The following PDE1A variants were observed in gnomAD, a reference collection of about 807,000 sequenced individuals.
PDE1A encodes phosphodiesterase 1A, also known as dual specificity calcium/calmodulin-dependent 3',5'-cyclic nucleotide phosphodiesterase 1A.
Under a neutral mutation model 61.7 loss-of-function variants are expected in PDE1A, and 35 were observed. That is an observed-to-expected ratio of 0.57 (90% confidence interval 0.43 to 0.75). The LOEUF (loss-of-function observed/expected upper bound fraction) is 0.75. Among genes scored for constraint, PDE1A ranks in the 30% least tolerant of loss-of-function variants. The pLI, the probability that PDE1A is intolerant of heterozygous loss-of-function variation, is 0.00. For missense variants in PDE1A, 597 were observed against 630.6 expected (o/e 0.95, Z 0.57); for synonymous variants, 232 against 213.2 (o/e 1.09, Z -0.77).
At chr2:182,191,700 AC>A (rs1685701768) in intron 10 of PDE1A, among the ~76,000 whole-genome samples, 1 of 85,590 alleles carries the variant, frequency 1.2e-5, no homozygotes, top group Admixed American at 1.4e-4. Flanking sequence ...GCTATATTTA[AC>A]TTTTTTTTTT....
At chr2:182,424,230 C>A (rs145554411) in intron 1 of PDE1A, among the ~76,000 whole-genome samples, 2 of 152,274 alleles carry the variant, frequency 1.3e-5, no homozygotes, top group African/African-American at 4.8e-5. Flanking sequence ...CAGGCATGAG[C>A]CACGGCACCC....
the PDE1A span, among the ~76,000 whole-genome samples, chr2:182,573,838 G>GAT: frequency 1.4e-5 from 2 of 140,294 alleles, no homozygotes; most frequent in South Asian, 2.2e-4. Flanking sequence ...GACAGAATAG[G>GAT]ATATATATAT....
intron 1 of PDE1A, among the ~76,000 whole-genome samples, chr2:182,396,634 T>G (rs1701720887): frequency 6.6e-6 from 1 of 152,260 alleles, no homozygotes; most frequent in Non-Finnish European, 1.5e-5. Flanking sequence ...CTTTATCAAG[T>G]AACATAAGAT....
At chr2:182,543,563 T>C in the PDE1A span, among the ~76,000 whole-genome samples, 7 of 152,194 alleles carry the variant, frequency 4.6e-5, no homozygotes, top group African/African-American at 1.7e-4. Context: ...TGGTGGATTT[T>C]GTTTTTTACA....
chr2:182,482,235 G>C (rs1490429515), intron 2 of PDE1A, among the ~76,000 whole-genome samples: 7 of 151,892 alleles, frequency 4.6e-5, no homozygotes, highest in African/African-American at 1.7e-4. Flanking sequence ...GACTTTATAA[G>C]ATTTATATAA....
At chr2:182,337,498 G>C (rs1366134780) in intron 1 of PDE1A, among the ~76,000 whole-genome samples, 1 of 152,084 alleles carries the variant, frequency 6.6e-6, no homozygotes, top group Non-Finnish European at 1.5e-5. Flanking sequence ...TAAATAACAT[G>C]TCATTTCATC....
the PDE1A span, among the ~76,000 whole-genome samples, chr2:182,569,141 T>C: frequency 2.0e-5 from 3 of 151,796 alleles, no homozygotes; most frequent in Admixed American, 1.3e-4. Context: ...TAGTCCCAGC[T>C]ACTTGGCGGG....
At chr2:182,675,031 T>C in the PDE1A span, among the ~76,000 whole-genome samples, 1 of 152,278 alleles carries the variant, frequency 6.6e-6, no homozygotes, top group East Asian at 1.9e-4. Flanking sequence ...TGGGTGTTTG[T>C]TGTACAGATT....
intron 1 of PDE1A, among the ~76,000 whole-genome samples, chr2:182,343,873 CTTTT>C (rs11300978): frequency 2.3e-5 from 3 of 129,778 alleles, no homozygotes; most frequent in Non-Finnish European, 3.4e-5. Flanking sequence ...TTTTCTTTTT[CTTTT>C]TTTTTTTTTG....
At chr2:182,224,016 T>C in intron 6 of PDE1A, 52 bp from the exon 7 acceptor site, 1 of 1,262,682 alleles carries the variant, frequency 7.9e-7, no homozygotes, top group Non-Finnish European at 1.1e-6. Context: ...ATAACATCTT[T>C]CCTTTCTTTG....
intron 2 of PDE1A, among the ~76,000 whole-genome samples, chr2:182,250,329 A>G (rs913639299): frequency 6.6e-6 from 1 of 152,234 alleles, no homozygotes; most frequent in African/African-American, 2.4e-5. Flanking sequence ...AGAGAAATAT[A>G]TCTGGATGAC....
chr2:182,376,603 G>C (rs1700419255), intron 1 of PDE1A, among the ~76,000 whole-genome samples: 1 of 152,112 alleles, frequency 6.6e-6, no homozygotes, highest in African/African-American at 2.4e-5. Flanking sequence ...CCTCCAAACT[G>C]TTCCAACCTC....
At chr2:182,449,434 GTGAAAAAAA>G (rs1305715802) in intron 2 of PDE1A, among the ~76,000 whole-genome samples, 1 of 151,830 alleles carries the variant, frequency 6.6e-6, no homozygotes, top group Admixed American at 6.6e-5. Context: ...ATCATGAATA[GTGAAAAAAA>G]TGAGCAGAGG....
At position 182,240,099 on chromosome 2, in the gene PDE1A, A is replaced by G. The variant is rs374120418; in HGVS notation, c.350+11T>C. 2 of 1,610,700 alleles carry G rather than the reference A, an allele frequency of 1.2e-6. No individual in the cohort carries two copies. The highest frequency in any genetic ancestry group is 1.7e-6 in the Non-Finnish European group (2 of 1,178,590). ...ATGTTACTGTCTTGAGATACCAACA[A>G]TTTCACTTACCTTTCCACAAAAATT... On this transcript the variant is annotated intron_variant, in intron 3 of 13. Coordinates refer to ENST00000351439, the Ensembl canonical transcript of PDE1A.
intron 13 of PDE1A, among the ~76,000 whole-genome samples, chr2:182,157,755 G>T (rs1233048952): frequency 6.6e-6 from 1 of 152,172 alleles, no homozygotes; most frequent in Non-Finnish European, 1.5e-5. Context: ...AGATATCCCT[G>T]ATGGTATTTT....
chr2:182,532,871 G>A, the PDE1A span, among the ~76,000 whole-genome samples: 12 of 147,380 alleles, frequency 8.1e-5, no homozygotes, highest in African/African-American at 2.8e-4. Flanking sequence ...CGTGAACCCC[G>A]GGAGGCGGAG....
At chr2:182,643,175 T>C in the PDE1A span, among the ~76,000 whole-genome samples, 1 of 152,224 alleles carries the variant, frequency 6.6e-6, no homozygotes, top group South Asian at 2.1e-4. Flanking sequence ...TCCTGGCTGC[T>C]TGCTTCTGCT....
the PDE1A span, among the ~76,000 whole-genome samples, chr2:182,685,060 AAT>A: frequency 5.4e-5 from 8 of 149,150 alleles, no homozygotes; most frequent in South Asian, 2.1e-4. Context: ...GGTTATTCTG[AAT>A]ATATATATAT....
intron 1 of PDE1A, among the ~76,000 whole-genome samples, chr2:182,364,434 C>A (rs1211391117): frequency 8.7e-6 from 1 of 115,072 alleles, no homozygotes; most frequent in African/African-American, 3.3e-5. Flanking sequence ...ATTGCTTTCA[C>A]AGCATTCTCA....
Sources: allele counts gnomAD v4.1 joint callset (sites outside exome capture counted in the v4.1 genomes callset), GRCh38; gene constraint gnomAD v4.1.1; transcripts MANE v1.5; gene names NCBI Gene and HGNC (gene_info 2026-07-23, HGNC 2026-07-21).